Variants in PARD3B observed in about 807,000 individuals in gnomAD.
PARD3B encodes par-3 family cell polarity regulator beta, also known as partitioning defective 3 homolog B.
In PARD3B, 103 loss-of-function variants were observed where a neutral mutation model predicts 130.2. That is an observed-to-expected ratio of 0.79 (90% CI 0.67 to 0.93). PARD3B has a LOEUF of 0.93. PARD3B is among the 40% of genes least tolerant of loss of function. The pLI is 0.00. For missense variants in PARD3B, 1,609 were observed against 1,499.2 expected (o/e 1.07, Z -1.21); for synonymous variants, 583 against 553.2 (o/e 1.05, Z -0.76).
At position 204,800,421 on chromosome 2, in the gene PARD3B, AGTC is replaced by A. The variant is rs1160191056; in HGVS notation, c.222+114140_222+114142del. Among the ~76,000 whole-genome samples, 9 of 152,018 alleles carry A rather than the reference AGTC, an allele frequency of 5.9e-5. No homozygotes were observed. The South Asian group carries it at 1.7e-3, about 28-fold the overall frequency. Reference sequence around the variant, plus strand: ...CAAATTTAAGTTAGTGGCCTCAAAAAGTCAGTAGAGAGAGAGAGAGACAGAGAT... The same window carrying A: ...CAAATTTAAGTTAGTGGCCTCAAAAAAGTAGAGAGAGAGAGAGACAGAGAT... On this transcript the variant is annotated intron_variant, in intron 2 of 22. Transcript: ENST00000406610.
chr2:205,014,346 G>A (rs117462928), intron 3 of PARD3B, among the ~76,000 whole-genome samples: 1,544 of 152,256 alleles, frequency 0.01, 21 homozygotes, highest in East Asian at 0.044. Flanking sequence ...AGGTCTGACT[G>A]TCACATGTAC....
In PARD3B at chr2:205,341,361, G is replaced by A. The variant is rs1335006606; in HGVS notation, c.2630+39660G>A. 1.3e-5 allele frequency among the ~76,000 whole-genome samples: 2 copies of A among 151,984 alleles called. No homozygotes were observed. Among genetic ancestry groups the A allele is most frequent in the East Asian group, 1.9e-4 (1 of 5,188 alleles). ...AACCAAAATGTCCATTAACAGATGA[G>A]TAATTAAAGAAAATGTGGTATATAT... On this transcript the variant is annotated intron_variant, in intron 18 of 22. Coordinates refer to ENST00000406610, the MANE Select transcript of PARD3B (RefSeq NM_001302769.2). This position sits in a 1 kb window ranked among gnomAD's most constrained non-coding sequence, Gnocchi z 4.3.
chr2:205,551,079 A>ATCAT (rs2052624931), intron 21 of PARD3B, among the ~76,000 whole-genome samples: 1 of 150,682 alleles, frequency 6.6e-6, no homozygotes. Context: ...GACTGCTATT[A>ATCAT]TCATTATGCC....
chr2:205,290,038 A>C (rs2041546525), intron 16 of PARD3B, among the ~76,000 whole-genome samples: 1 of 152,236 alleles, frequency 6.6e-6, no homozygotes, highest in African/African-American at 2.4e-5. Context: ...GTCTAATGTC[A>C]GATTGTGCTT....
chr2:205,028,388 C>G, intron 3 of PARD3B, among the ~76,000 whole-genome samples: 1 of 152,134 alleles, frequency 6.6e-6, no homozygotes, highest in South Asian at 2.1e-4. Context: ...ATTATTTGAC[C>G]AAATTCAACA....
chr2:204,707,579 A>G (rs1310947270), intron 2 of PARD3B, among the ~76,000 whole-genome samples: 1 of 152,178 alleles, frequency 6.6e-6, no homozygotes, highest in Non-Finnish European at 1.5e-5. Context: ...GCTTGTTATA[A>G]ATGATCTTTC....
intron 20 of PARD3B, among the ~76,000 whole-genome samples, chr2:205,442,382 T>G (rs1347503340): frequency 7.6e-6 from 1 of 132,038 alleles, no homozygotes; most frequent in East Asian, 2.5e-4. Flanking sequence ...AACCGCAACC[T>G]CTGCCTCCTA....
intron 2 of PARD3B, among the ~76,000 whole-genome samples, chr2:204,710,332 G>A (rs2038373451): frequency 1.3e-5 from 2 of 152,184 alleles, no homozygotes; most frequent in African/African-American, 4.8e-5. Context: ...TATTCTGAAT[G>A]GAGGGAAAAA....
At chr2:204,981,270 A>C (rs1692644653) in intron 3 of PARD3B, among the ~76,000 whole-genome samples, 1 of 152,336 alleles carries the variant, frequency 6.6e-6, no homozygotes, top group African/African-American at 2.4e-5. Flanking sequence ...TGAAAAAAAA[A>C]TAGAACAGCA....
intron 19 of PARD3B, among the ~76,000 whole-genome samples, chr2:205,438,742 A>G (rs748118533): frequency 6.6e-6 from 1 of 152,206 alleles, no homozygotes; most frequent in African/African-American, 2.4e-5. Context: ...TCTTCCTTTC[A>G]TCTTAATTCA....
At chr2:204,853,345 C>T (rs888011378) in intron 2 of PARD3B, among the ~76,000 whole-genome samples, 3 of 152,018 alleles carry the variant, frequency 2.0e-5, no homozygotes, top group African/African-American at 7.2e-5. Context: ...GGTGGATGTC[C>T]CACTTGGGCT....
At chr2:205,068,315 G>C (rs916979244) in intron 4 of PARD3B, among the ~76,000 whole-genome samples, 5 of 152,104 alleles carry the variant, frequency 3.3e-5, no homozygotes, top group Non-Finnish European at 7.4e-5. Flanking sequence ...AGATTTCAAA[G>C]TAATCTACAC....
chr2:205,077,947 A>G (rs553475441), intron 4 of PARD3B, among the ~76,000 whole-genome samples: 4 of 152,310 alleles, frequency 2.6e-5, no homozygotes, highest in South Asian at 2.1e-4. Context: ...AATCATTTCA[A>G]TGTCTCTTTT....
In PARD3B at chr2:205,146,540, A is replaced by T. The variant is rs1407303066; in HGVS notation, c.1435-12182A>T. 1.3e-5 allele frequency among the ~76,000 whole-genome samples: 2 copies of T among 151,282 alleles called. No individual in the cohort carries two copies. Among genetic ancestry groups the T allele is most frequent in the African/African-American group, 4.9e-5 (2 of 41,192 alleles). On this transcript the variant is annotated intron_variant, in intron 10 of 22. Transcript: ENST00000406610. This position sits in a 1 kb window ranked among gnomAD's most constrained non-coding sequence, Gnocchi z 4.3. ...GTGGCGGGCGCCTGTAGTCCCAGCT[A>T]CTCGGGAGGCTGAGGCAGGAGAATG...
In PARD3B at chr2:205,122,448, G is replaced by A. The variant is rs1266387148; in HGVS notation, c.1165+499G>A. 6.6e-6 allele frequency among the ~76,000 whole-genome samples: 1 copy of A among 152,116 alleles called. No individual in the cohort carries two copies. The highest frequency in any genetic ancestry group is 1.9e-4 in the East Asian group (1 of 5,184). ...ATTTAAAACATACCTAATTTCAAAA[G>A]CATGTATAATATTTTCTTTCTTCAT... On this transcript the variant is annotated intron_variant, in intron 8 of 22. Transcript: ENST00000406610. The surrounding 1 kb of genome is among the most constrained non-coding windows in gnomAD (Gnocchi z 4.3).
chr2:204,753,331 T>C (rs1193419272), intron 2 of PARD3B, among the ~76,000 whole-genome samples: 1 of 152,206 alleles, frequency 6.6e-6, no homozygotes, highest in Non-Finnish European at 1.5e-5. Context: ...TAGGTGCTCC[T>C]AAATGTGTTG....
chr2:205,387,356 G>C (rs907381383), intron 18 of PARD3B, among the ~76,000 whole-genome samples: 1 of 152,076 alleles, frequency 6.6e-6, no homozygotes, highest in Non-Finnish European at 1.5e-5. Flanking sequence ...TTTAAGCTCA[G>C]GCTTTCCTTA....
At chr2:205,369,706 A>G (rs528902988) in intron 18 of PARD3B, among the ~76,000 whole-genome samples, 6 of 152,342 alleles carry the variant, frequency 3.9e-5, no homozygotes, top group Non-Finnish European at 4.4e-5. Flanking sequence ...ACCTCCCTAC[A>G]TTACAGATAA....
chr2:204,575,720 A>G (rs978206531), intron 1 of PARD3B, among the ~76,000 whole-genome samples: 11 of 152,226 alleles, frequency 7.2e-5, no homozygotes, highest in Admixed American at 6.5e-4. Flanking sequence ...TCAGCACTGT[A>G]ATACACTGTT....
Sources: allele counts gnomAD v4.1 joint callset (sites outside exome capture counted in the v4.1 genomes callset), GRCh38; gene constraint gnomAD v4.1.1; non-coding constraint Gnocchi (gnomAD v3.1); transcripts MANE v1.5; gene names NCBI Gene and HGNC (gene_info 2026-07-23, HGNC 2026-07-21).